DYNC2I1: variants seen among roughly 807,000 people sequenced by gnomAD.
DYNC2I1 encodes cytoplasmic dynein 2 intermediate chain 1.
DYNC2I1 carries 89 observed loss-of-function variants against 133.4 expected under a neutral mutation model. The ratio of observed to expected loss-of-function variants is 0.67; its 90% CI spans 0.56 to 0.80. The LOEUF is 0.80. Among genes scored for constraint, DYNC2I1 ranks in the 30% least tolerant of loss-of-function variants. The pLI, the probability that DYNC2I1 is intolerant of heterozygous loss-of-function variation, is 0.00. For synonymous variants in DYNC2I1, 504 were observed against 484.3 expected (o/e 1.04, Z -0.54); for missense variants, 1,291 against 1,314.5 (o/e 0.98, Z 0.28).
At chr7:158,950,145 C>G (rs554095358), downstream of DYNC2I1, among the ~76,000 whole-genome samples, 1 of 152,134 alleles carries the variant, frequency 6.6e-6, no homozygotes. Context: ...CTCACTGCAG[C>G]CTCTGCCTCC....
At chr7:158,889,575 G>C (rs920798200) in intron 7 of DYNC2I1, among the ~76,000 whole-genome samples, 3 of 151,986 alleles carry the variant, frequency 2.0e-5, no homozygotes, top group African/African-American at 7.2e-5. Context: ...TTGTTAACTA[G>C]AATTATAATG....
At chr7:158,928,137 G>A (rs926806141) in intron 20 of DYNC2I1, among the ~76,000 whole-genome samples, 3 of 152,182 alleles carry the variant, frequency 2.0e-5, no homozygotes, top group Admixed American at 6.5e-5. Flanking sequence ...GTGACTTGAA[G>A]CAAAGCTAAT....
chr7:158,952,523 CT>C (rs1852083567), intron 4 of DYNC2I1, among the ~76,000 whole-genome samples: 1 of 152,082 alleles, frequency 6.6e-6, no homozygotes, highest in East Asian at 1.9e-4. Context: ...TTGGTGGGCT[CT>C]TTACAGCCTG....
intron 8 of DYNC2I1, among the ~76,000 whole-genome samples, chr7:158,894,379 T>TA (rs562293748): frequency 5.3e-5 from 8 of 151,684 alleles, no homozygotes; most frequent in South Asian, 4.2e-4. Context: ...CATTGTAAAG[T>TA]AAAAAAAAAT....
chr7:158,955,800 G>T (rs1852184254), intron 4 of DYNC2I1, among the ~76,000 whole-genome samples: 1 of 152,220 alleles, frequency 6.6e-6, no homozygotes, highest in Admixed American at 6.5e-5. Flanking sequence ...TCCAAAATGG[G>T]CAGTGATCAC....
At chr7:158,848,876 TTG>T in the DYNC2I1 span, among the ~76,000 whole-genome samples, 1 of 150,826 alleles carries the variant, frequency 6.6e-6, no homozygotes, top group African/African-American at 2.5e-5. Context: ...TAAGCTGAGA[TTG>T]CGCCACTGCA....
In DYNC2I1 at chr7:158,876,623, AGTG is replaced by A; in HGVS notation, c.506_508del (p.Ser169_Glu170delinsLys). On this transcript the variant is annotated inframe_deletion, in exon 4 of 25. Transcript: ENST00000407559. ...ACTTCTTGTAGTAAGTAAAGTAAGA[AGTG>A]AAGAGAAAGATGAAGACTCTGAAAG... The A allele has an allele frequency of 6.3e-7, 1 of 1,576,534 alleles. No homozygotes were observed.
intron 11 of DYNC2I1, among the ~76,000 whole-genome samples, chr7:158,910,896 G>C (rs899117530): frequency 2.1e-5 from 3 of 142,752 alleles, no homozygotes; most frequent in Non-Finnish European, 3.1e-5. Context: ...AGCGAGGAGC[G>C]TTGGCTGTGT....
chr7:158,953,154 CTGA>C (rs1852105063), intron 4 of DYNC2I1, among the ~76,000 whole-genome samples: 2 of 146,704 alleles, frequency 1.4e-5, no homozygotes, highest in Non-Finnish European at 3.0e-5. Context: ...TGACACTGAG[CTGA>C]CCCACATGTG....
downstream of DYNC2I1, among the ~76,000 whole-genome samples, chr7:158,948,328 G>A (rs1387257410): frequency 6.6e-6 from 1 of 152,220 alleles, no homozygotes; most frequent in Non-Finnish European, 1.5e-5. Context: ...CAGGCTGAGC[G>A]CTTTCTTCCA....
At chr7:158,883,899 C>T (rs1385055697) in intron 5 of DYNC2I1, among the ~76,000 whole-genome samples, 5 of 150,934 alleles carry the variant, frequency 3.3e-5, no homozygotes, top group Admixed American at 6.6e-5. Context: ...CTCCTGACCT[C>T]GTGATCCGCC....
In DYNC2I1 at chr7:158,868,208, A is replaced by G. The variant is rs190043415; in HGVS notation, c.16-1647A>G. Among the ~76,000 whole-genome samples, 13 of 152,354 alleles carry G rather than the reference A, an allele frequency of 8.5e-5. No homozygotes were observed. In the South Asian group the frequency reaches 1.7e-3, roughly 19 times the overall value. ...GAGTCAGTGGAAATGGTTTAAGACCACGGCACCTTGTTATTTTAATAGTCC... is the reference window on the plus strand; with the variant it reads ...GAGTCAGTGGAAATGGTTTAAGACCGCGGCACCTTGTTATTTTAATAGTCC... On this transcript the variant is annotated intron_variant, in intron 1 of 24. Coordinates refer to ENST00000407559, the MANE Select transcript of DYNC2I1 (RefSeq NM_018051.5).
Position 158,945,182 on chromosome 7 carries a change from C to T in DYNC2I1, c.3003-399C>T, listed in dbSNP as rs1017707504. Reference sequence around the variant, plus strand: ...TCCGGGGCTCCAGGGTGAGTCCGGGCTGGAGACGCAGACTTGTGAGTCCTG... The same window carrying T: ...TCCGGGGCTCCAGGGTGAGTCCGGGTTGGAGACGCAGACTTGTGAGTCCTG... On this transcript the variant is annotated intron_variant, in intron 24 of 24. Coordinates refer to ENST00000407559, the MANE Select transcript of DYNC2I1 (RefSeq NM_018051.5). The surrounding 1 kb of genome is among the most constrained non-coding windows in gnomAD (Gnocchi z 4.1). 6.6e-6 allele frequency among the ~76,000 whole-genome samples: 1 copy of T among 152,052 alleles called. No individual in the cohort carries two copies. Among genetic ancestry groups the T allele is most frequent in the Non-Finnish European group, 1.5e-5 (1 of 67,994 alleles).
At chr7:158,922,914 AGAGGTTTCTTAGACTGCGTG>A (rs1050702307) in intron 16 of DYNC2I1, among the ~76,000 whole-genome samples, 1 of 152,002 alleles carries the variant, frequency 6.6e-6, no homozygotes, top group South Asian at 2.1e-4. Context: ...TGAGTGTTTT[AGAGGTTTCTTAGACTGCGTG>A]GAGGTTTCTT....
Position 158,906,016 on chromosome 7 carries a change from CTGTT to C in DYNC2I1, c.1389_1392del (p.Cys464GlufsTer35). The C allele has an allele frequency of 1.9e-6, 3 of 1,613,872 alleles. No homozygotes were observed. The highest frequency in any genetic ancestry group is 2.5e-6 in the Non-Finnish European group (3 of 1,179,854). On this transcript the variant is annotated frameshift_variant, in exon 11 of 25. Transcript: ENST00000407559. LOFTEE classifies it high-confidence loss of function. ...ACAAACAGTTCCCCTTCCAGAGCCT[CTGTT>C]TGTGGAATTTTTGTGGATTTTGCCT...
upstream of DYNC2I1, among the ~76,000 whole-genome samples, chr7:158,852,830 A>T (rs765467559): frequency 6.6e-6 from 1 of 152,246 alleles, no homozygotes; most frequent in Non-Finnish European, 1.5e-5. Context: ...AAAGTCTCTA[A>T]AAATCCTTAG....
At chr7:158,924,655 C>T (rs923778996) in intron 17 of DYNC2I1, among the ~76,000 whole-genome samples, 1 of 152,034 alleles carries the variant, frequency 6.6e-6, no homozygotes, top group Non-Finnish European at 1.5e-5. Context: ...CCTTTTCTAA[C>T]TGCTGCTGCT....
chr7:158,840,240 A>G, the DYNC2I1 span, among the ~76,000 whole-genome samples: 5 of 151,616 alleles, frequency 3.3e-5, no homozygotes, highest in Admixed American at 2.6e-4. Flanking sequence ...AAAGTGAGAC[A>G]TTGTCTACAA....
downstream of DYNC2I1, among the ~76,000 whole-genome samples, chr7:158,956,957 C>G (rs939592509): frequency 6.6e-6 from 1 of 152,160 alleles, no homozygotes; most frequent in Non-Finnish European, 1.5e-5. Context: ...AGCTGCCGTC[C>G]ACACTCACCC....
Sources: gnomAD v4.1 joint callset for allele counts (sites outside exome capture counted in the v4.1 genomes callset) on GRCh38, gnomAD v4.1.1 for gene constraint, Gnocchi (gnomAD v3.1) non-coding constraint, MANE v1.5 for transcripts, NCBI Gene and HGNC (gene_info 2026-07-23, HGNC 2026-07-21) for gene names.